JADE3: variants seen among roughly 807,000 people sequenced by gnomAD.
The protein encoded by JADE3 is jade family PHD finger 3, also known as protein Jade-3.
JADE3 carries 2 observed loss-of-function variants against 50.1 expected under a neutral mutation model. That is an observed-to-expected ratio of 0.04 (90% CI 0.02 to 0.13). The LOEUF is 0.13. Among genes scored for constraint, JADE3 ranks in the 10% least tolerant of loss-of-function variants. The pLI, the probability that JADE3 is intolerant of heterozygous loss-of-function variation, is 1.00. For synonymous variants in JADE3, 218 were observed against 232.9 expected, an observed-to-expected ratio of 0.94 and a Z score of 0.58; for missense variants, 475 against 634.4, an observed-to-expected ratio of 0.75 and a Z score of 2.70.
chrX:47,013,515 A>G (rs782200810), intron 4 of JADE3, among the ~76,000 whole-genome samples: 1 of 112,347 alleles, frequency 8.9e-6, no homozygotes, highest in Non-Finnish European at 1.9e-5. Flanking sequence ...AGCTCCATCA[A>G]GGTCAAGACA....
At chrX:46,961,955 C>T (rs1161182853) in intron 1 of JADE3, among the ~76,000 whole-genome samples, 1 of 112,234 alleles carries the variant, frequency 8.9e-6, no homozygotes, top group Admixed American at 9.5e-5. Context: ...GCTCAAGACC[C>T]ACACGAGCAC....
intron 1 of JADE3, among the ~76,000 whole-genome samples, chrX:46,973,605 G>C (rs1556350951): frequency 1.8e-5 from 2 of 112,235 alleles, no homozygotes. Flanking sequence ...GAACAGATTT[G>C]AAGGATAGAG....
chrX:46,987,121 G>A (rs1927880515), intron 3 of JADE3, among the ~76,000 whole-genome samples: 1 of 112,049 alleles, frequency 8.9e-6, no homozygotes. Context: ...AGCTCATGTT[G>A]TAGGCAGAAT....
At chrX:46,966,785 G>T (rs1265480829) in intron 1 of JADE3, among the ~76,000 whole-genome samples, 1 of 111,537 alleles carries the variant, frequency 9.0e-6, no homozygotes, top group Non-Finnish European at 1.9e-5. Context: ...AATGAAGTAG[G>T]GTCAAGAGAT....
rs782240094 is a variant in JADE3, at chrX:46,934,875, T to C, written c.-12+22156T>C. Among the ~76,000 whole-genome samples, 17 of 112,426 alleles carry C rather than the reference T, an allele frequency of 1.5e-4. 1 individual carries two copies. The highest frequency in any genetic ancestry group is 1.3e-3 in the Admixed American group (14 of 10,625). On this transcript the variant is annotated intron_variant, in intron 1 of 10. Coordinates refer to ENST00000614628, the MANE Select transcript of JADE3 (RefSeq NM_014735.5). ...TGTATATGGATGTCTTTAATTTACT[T>C]TTGCATCTTTGTTGAAAATCAGTTG...
At chrX:47,045,371 A>G (rs1291223095) in intron 8 of JADE3, among the ~76,000 whole-genome samples, 3 of 112,762 alleles carry the variant, frequency 2.7e-5, no homozygotes, top group Admixed American at 9.4e-5. Context: ...TTGTAAATAT[A>G]TATACACCCA....
chrX:47,046,366 G>A (rs1929375227), intron 8 of JADE3, among the ~76,000 whole-genome samples: 1 of 111,786 alleles, frequency 8.9e-6, no homozygotes, highest in Non-Finnish European at 1.9e-5. Context: ...AGTAACAGAT[G>A]GTGAGATTGA....
chrX:47,059,991 A>G lies in JADE3; in HGVS notation c.*914A>G, dbSNP rs1556374773. On this transcript the variant is annotated 3_prime_UTR_variant, in exon 11 of 11. Coordinates refer to ENST00000614628, the MANE Select transcript of JADE3 (RefSeq NM_014735.5). ...AAATTTTTATTGAGGTATAATTAAA[A>G]TATAGTAAAATGCACAGAGGTTAAG... 1.8e-5 allele frequency: 2 copies of G among 112,532 alleles called. No individual in the cohort carries two copies. The highest frequency in any genetic ancestry group is 3.8e-5 in the Non-Finnish European group (2 of 53,277). The allele number at this position is 112,532 out of a possible 1,213,427, so 9.3% of individuals were successfully genotyped here. A position where few individuals can be genotyped will look rare whatever the true frequency, so the allele number is the denominator to read the frequency against.
intron 1 of JADE3, among the ~76,000 whole-genome samples, chrX:46,971,504 A>G (rs1369343318): frequency 9.1e-6 from 1 of 110,131 alleles, no homozygotes; most frequent in Admixed American, 9.7e-5. Context: ...TCTTCAAAAG[A>G]CATAAAGCAG....
In JADE3 at chrX:46,912,671, C is replaced by G. The variant is rs1408823360; in HGVS notation, c.-60C>G. Reference sequence around the variant, plus strand: ...CGACCGGACTCACCCGGCACATTGCCGGGCCGCGGCGTGGAGCCGGGCAGG... The same window carrying G: ...CGACCGGACTCACCCGGCACATTGCGGGGCCGCGGCGTGGAGCCGGGCAGG... On this transcript the variant is annotated 5_prime_UTR_variant, in exon 1 of 11. Coordinates refer to ENST00000614628, the MANE Select transcript of JADE3 (RefSeq NM_014735.5). 1 of 111,255 alleles carries G rather than the reference C, an allele frequency of 9.0e-6. No homozygotes were observed. Among genetic ancestry groups the G allele is most frequent in the Non-Finnish European group, 1.9e-5 (1 of 52,504 alleles). 9.2% of individuals were successfully genotyped at this position (111,255 alleles called of 1,213,427 possible). A position where few individuals can be genotyped will look rare whatever the true frequency, so the allele number is the denominator to read the frequency against.
chrX:47,021,572 A>G (rs1012891795), intron 4 of JADE3, among the ~76,000 whole-genome samples: 4 of 111,575 alleles, frequency 3.6e-5, no homozygotes, highest in Non-Finnish European at 7.5e-5. Flanking sequence ...GAGATAATCT[A>G]TTTGCTCCAT....
intron 1 of JADE3, among the ~76,000 whole-genome samples, chrX:46,968,568 T>C (rs1927416071): frequency 9.0e-6 from 1 of 111,050 alleles, no homozygotes; most frequent in Admixed American, 9.6e-5. Context: ...AGCAAGACCG[T>C]ATCTCAAAAT....
intron 1 of JADE3, among the ~76,000 whole-genome samples, chrX:46,947,436 CTTTCGT>C (rs1926908099): frequency 8.9e-6 from 1 of 111,829 alleles, no homozygotes; most frequent in African/African-American, 3.3e-5. Flanking sequence ...AGCTGTGTAA[CTTTCGT>C]TTTTGTACTC....
chrX:47,044,041 G>A (rs1929323684), intron 8 of JADE3, among the ~76,000 whole-genome samples: 1 of 110,980 alleles, frequency 9.0e-6, no homozygotes, highest in Non-Finnish European at 1.9e-5. Context: ...AATAGCCTCA[G>A]AAGGGCAAAT....
At chrX:46,918,573 C>T (rs1399956179) in intron 1 of JADE3, among the ~76,000 whole-genome samples, 2 of 112,162 alleles carry the variant, frequency 1.8e-5, no homozygotes, top group African/African-American at 6.5e-5. Context: ...AAGTACTAGG[C>T]CACAAACATA....
chrX:46,957,033 A>G (rs1305748362), intron 1 of JADE3, among the ~76,000 whole-genome samples: 1 of 110,126 alleles, frequency 9.1e-6, no homozygotes, highest in Non-Finnish European at 1.9e-5. Flanking sequence ...CCATGTTGCC[A>G]AGGCTGATCT....
At chrX:46,928,379 A>G (rs988784570) in intron 1 of JADE3, among the ~76,000 whole-genome samples, 33 of 111,843 alleles carry the variant, frequency 3.0e-4, no homozygotes, top group East Asian at 2.8e-4. Flanking sequence ...CCCTAATGCC[A>G]TACTTCCTTA....
intron 1 of JADE3, among the ~76,000 whole-genome samples, chrX:46,948,764 A>G (rs1450187293): frequency 9.0e-6 from 1 of 111,522 alleles, no homozygotes; most frequent in Admixed American, 9.5e-5. Flanking sequence ...TGCCCCAGTC[A>G]AGAAGAACAT....
At chrX:46,913,956 C>T (rs1556335774) in intron 1 of JADE3, among the ~76,000 whole-genome samples, 1 of 110,706 alleles carries the variant, frequency 9.0e-6, no homozygotes, top group East Asian at 2.8e-4. Flanking sequence ...CCCCTCCCGC[C>T]GTCTGATTGT....
Sources: gnomAD v4.1 joint callset for allele counts (sites outside exome capture counted in the v4.1 genomes callset) on GRCh38, gnomAD v4.1.1 for gene constraint, MANE v1.5 for transcripts, NCBI Gene and HGNC (gene_info 2026-07-23, HGNC 2026-07-21) for gene names.